The following MEGF11 variants were observed in gnomAD, a reference collection of about 807,000 sequenced individuals.
MEGF11 encodes multiple EGF like domains 11.
In MEGF11, 126 loss-of-function variants were observed where a neutral mutation model predicts 146.6. The observed-to-expected ratio is 0.86, with a 90% CI of 0.74 to 1.00. The LOEUF (loss-of-function observed/expected upper bound fraction) is 1.00. Ranked by LOEUF, MEGF11 falls within the 50% of genes least tolerant of loss-of-function variation. The pLI is 0.00. For synonymous variants in MEGF11, 532 were observed against 583.4 expected, an observed-to-expected ratio of 0.91 and a Z score of 1.27; for missense variants, 1,509 against 1,521.2, an observed-to-expected ratio of 0.99 and a Z score of 0.13.
At chr15:66,086,156 G>A (rs569429564) in intron 5 of MEGF11, among the ~76,000 whole-genome samples, 48 of 152,156 alleles carry the variant, frequency 3.2e-4, no homozygotes, top group Middle Eastern at 3.4e-3. Context: ...AAGAAGTCTG[G>A]GATTATATTA....
chr15:66,117,386 C>A (rs916698667), intron 4 of MEGF11, among the ~76,000 whole-genome samples: 5 of 152,176 alleles, frequency 3.3e-5, no homozygotes, highest in African/African-American at 1.2e-4. Context: ...CCAGTGGTTA[C>A]ATAAGGAGTA....
intron 1 of MEGF11, among the ~76,000 whole-genome samples, chr15:66,195,259 T>C (rs1045249709): frequency 3.3e-5 from 5 of 152,230 alleles, no homozygotes; most frequent in Non-Finnish European, 7.3e-5. Context: ...TCTCCAAATA[T>C]AATCACATTC....
chr15:65,937,329 G>C (rs1453129326), intron 10 of MEGF11, among the ~76,000 whole-genome samples: 2 of 152,148 alleles, frequency 1.3e-5, no homozygotes, highest in East Asian at 3.9e-4. Context: ...GCTTTGCTTA[G>C]CCTAGCAACT....
chr15:65,930,588 C>G (rs937641669), intron 11 of MEGF11, among the ~76,000 whole-genome samples: 1 of 152,214 alleles, frequency 6.6e-6, no homozygotes, highest in African/African-American at 2.4e-5. Flanking sequence ...GCACACTTTC[C>G]CTGTGTGCTG....
chr15:66,017,432 G>C (rs948362678), intron 5 of MEGF11, among the ~76,000 whole-genome samples: 1 of 152,266 alleles, frequency 6.6e-6, no homozygotes, highest in African/African-American at 2.4e-5. Context: ...AGCGCCAGAT[G>C]ACTTACTCAA....
At chr15:66,217,664 C>T (rs543838168) in intron 1 of MEGF11, among the ~76,000 whole-genome samples, 5 of 152,344 alleles carry the variant, frequency 3.3e-5, no homozygotes, top group Non-Finnish European at 2.9e-5. Flanking sequence ...GTTGTGGGTA[C>T]CACAGAATTT....
At chr15:65,978,115 C>T (rs1403905186) in intron 7 of MEGF11, among the ~76,000 whole-genome samples, 2 of 152,236 alleles carry the variant, frequency 1.3e-5, no homozygotes, top group African/African-American at 4.8e-5. Context: ...CAGTTCCACA[C>T]AATGGCCTGG....
At chr15:65,986,138 A>G (rs1171099975) in intron 5 of MEGF11, among the ~76,000 whole-genome samples, 1 of 151,972 alleles carries the variant, frequency 6.6e-6, no homozygotes, top group African/African-American at 2.4e-5. Context: ...CTTTTAGTAG[A>G]GACAGGGTTT....
intron 10 of MEGF11, among the ~76,000 whole-genome samples, chr15:65,935,235 G>A (rs1297751301): frequency 2.0e-5 from 3 of 147,618 alleles, no homozygotes; most frequent in South Asian, 2.2e-4. Flanking sequence ...CAGGGGAATC[G>A]CTTGAACCCG....
chr15:65,970,376 G>A (rs1172838747), intron 8 of MEGF11, among the ~76,000 whole-genome samples, 177 bp downstream of exon 8: 1 of 152,206 alleles, frequency 6.6e-6, no homozygotes, highest in African/African-American at 2.4e-5. Flanking sequence ...GGGTGTCTCT[G>A]CAGGCCGAGG....
At chr15:66,051,034 T>C (rs5016832) in intron 5 of MEGF11, among the ~76,000 whole-genome samples, 10,209 of 152,312 alleles carry the variant, frequency 0.067, 736 homozygotes, top group African/African-American at 0.18. Flanking sequence ...TAGGCATTTT[T>C]CTGTGACAGA....
At chr15:66,019,269 A>T (rs2083011730) in intron 5 of MEGF11, among the ~76,000 whole-genome samples, 1 of 152,192 alleles carries the variant, frequency 6.6e-6, no homozygotes, top group South Asian at 2.1e-4. Flanking sequence ...ACCAATCCTG[A>T]CATGGCATCC....
At chr15:66,121,440 C>T (rs2088019947) in intron 3 of MEGF11, among the ~76,000 whole-genome samples, 1 of 152,154 alleles carries the variant, frequency 6.6e-6, no homozygotes, top group South Asian at 2.1e-4. Context: ...CTGCAAATAG[C>T]AACTATAAAA....
chr15:65,978,606 T>C (rs1442157104), intron 7 of MEGF11, among the ~76,000 whole-genome samples: 1 of 152,228 alleles, frequency 6.6e-6, no homozygotes, highest in Non-Finnish European at 1.5e-5. Context: ...AAAGGGATGC[T>C]GTGTGCTTGT....
intron 4 of MEGF11, among the ~76,000 whole-genome samples, chr15:66,112,529 G>C (rs1726539053): frequency 6.6e-6 from 1 of 152,204 alleles, no homozygotes. Context: ...GCTCCAACAG[G>C]AGAAATTAAG....
At chr15:66,107,078 G>C (rs997646495) in intron 4 of MEGF11, among the ~76,000 whole-genome samples, 1 of 150,522 alleles carries the variant, frequency 6.6e-6, no homozygotes, top group African/African-American at 2.5e-5. Context: ...TATAGACAGG[G>C]AGGGGATGGT....
In MEGF11 at chr15:66,094,502, G is replaced by C. The variant is rs1398204603; in HGVS notation, c.302-8C>G. 1 of 1,555,774 alleles carries C rather than the reference G, an allele frequency of 6.4e-7. No homozygotes were observed. Among genetic ancestry groups the C allele is most frequent in the Non-Finnish European group, 8.7e-7 (1 of 1,148,874 alleles). Reference sequence around the variant, plus strand: ...ACTCCTCCGTACACAGGGCTGAGGGGACATGGGGAGAGGGAGGAAGAACCA... The same window carrying C: ...ACTCCTCCGTACACAGGGCTGAGGGCACATGGGGAGAGGGAGGAAGAACCA... On this transcript the variant is annotated splice_polypyrimidine_tract_variant and splice_region_variant and intron_variant, in intron 4 of 25. Transcript: ENST00000395614.
intron 5 of MEGF11, among the ~76,000 whole-genome samples, chr15:66,053,714 AATT>A (rs373434169): frequency 0.19 from 7,831 of 41,954 alleles, 2,113 homozygotes; most frequent in East Asian, 0.66. Flanking sequence ...CCCTGGCACC[AATT>A]TTTTTTTTTT....
chr15:65,909,257 G>C (rs1409516337), intron 22 of MEGF11, 122 bp from the exon 23 acceptor site: 1 of 728,400 alleles, frequency 1.4e-6, no homozygotes, highest in Non-Finnish European at 2.4e-6. Flanking sequence ...GGACTTGGGG[G>C]CCTCTGTGTA....
Sources: allele counts gnomAD v4.1 joint callset (sites outside exome capture counted in the v4.1 genomes callset), GRCh38; gene constraint gnomAD v4.1.1; transcripts MANE v1.5; gene names NCBI Gene and HGNC (gene_info 2026-07-23, HGNC 2026-07-21).